STPG2: variants seen among roughly 807,000 people sequenced by gnomAD.
STPG2 encodes the protein sperm-tail PG-rich repeat-containing protein 2.
Under a neutral mutation model 54.2 loss-of-function variants are expected in STPG2, and 56 were observed. That is an observed-to-expected ratio of 1.03 (90% CI 0.83 to 1.29). The LOEUF (loss-of-function observed/expected upper bound fraction) is 1.29, where lower values mean the gene tolerates loss of function less well. Among genes scored for constraint, STPG2 ranks in the 50% most tolerant of loss-of-function variants. The probability of loss-of-function intolerance (pLI) is 0.00; values close to 1 mark genes in which losing one functional copy is unlikely to be tolerated. For missense variants in STPG2, 596 were observed against 544.9 expected (o/e 1.09, Z -0.93); for synonymous variants, 200 against 181.8 (o/e 1.10, Z -0.81).
In STPG2 at chr4:97,719,596, CCAAA is replaced by C. The variant is rs1724387047; in HGVS notation, c.1205-6786_1205-6783del. 5.9e-5 allele frequency among the ~76,000 whole-genome samples: 9 copies of C among 151,952 alleles called. No individual in the cohort carries two copies. The South Asian group carries it at 1.9e-3, about 32-fold the overall frequency. On this transcript the variant is annotated intron_variant, in intron 9 of 10. Coordinates refer to ENST00000295268, the MANE Select transcript of STPG2 (RefSeq NM_174952.3). Reference sequence around the variant, plus strand: ...TCAAATAATCTTGGTAACCAGTGATCCAAACAAAGAATAAACCTTCCGAAATTCT... The same window carrying C: ...TCAAATAATCTTGGTAACCAGTGATCCAAAGAATAAACCTTCCGAAATTCT...
At chr4:97,921,145 G>A (rs1732090981) in intron 8 of STPG2, among the ~76,000 whole-genome samples, 1 of 152,100 alleles carries the variant, frequency 6.6e-6, no homozygotes, top group African/African-American at 2.4e-5. Flanking sequence ...CATACTGTGG[G>A]CAGAGATAGT....
At chr4:97,914,961 G>A (rs576744292) in intron 8 of STPG2, among the ~76,000 whole-genome samples, 2 of 152,058 alleles carry the variant, frequency 1.3e-5, no homozygotes, top group Admixed American at 6.6e-5. Flanking sequence ...TGTCCTCAAG[G>A]TTCATCATAT....
At chr4:97,896,041 A>G (rs1730941582) in intron 8 of STPG2, among the ~76,000 whole-genome samples, 1 of 151,812 alleles carries the variant, frequency 6.6e-6, no homozygotes, top group Admixed American at 6.6e-5. Context: ...TGAGTCTGTA[A>G]GCCCAATTTC....
chr4:98,004,658 T>C (rs1735518062), intron 5 of STPG2, among the ~76,000 whole-genome samples: 1 of 152,188 alleles, frequency 6.6e-6, no homozygotes, highest in Non-Finnish European at 1.5e-5. Flanking sequence ...CTGCTGTCAT[T>C]TGACTTTTTG....
chr4:97,461,255 TTATC>T (rs751474319), intron 4 of STPG2, among the ~76,000 whole-genome samples: 5 of 151,244 alleles, frequency 3.3e-5, no homozygotes, highest in Non-Finnish European at 7.4e-5. Flanking sequence ...CTCTTTCTCT[TTATC>T]TCTCTCTCTC....
At chr4:97,822,726 G>A (rs1291484832) in intron 9 of STPG2, among the ~76,000 whole-genome samples, 1 of 152,164 alleles carries the variant, frequency 6.6e-6, no homozygotes, top group Non-Finnish European at 1.5e-5. Context: ...CAAGTAGGGG[G>A]TAAGGGTGCC....
intron 10 of STPG2, among the ~76,000 whole-genome samples, chr4:97,664,897 C>A (rs1039670655): frequency 6.6e-6 from 1 of 151,732 alleles, no homozygotes; most frequent in Non-Finnish European, 1.5e-5. Context: ...AGCAGAGTGG[C>A]GAGGGGTGTG....
At chr4:97,868,489 TA>T (rs1729871434) in intron 8 of STPG2, among the ~76,000 whole-genome samples, 1 of 151,864 alleles carries the variant, frequency 6.6e-6, no homozygotes, top group Non-Finnish European at 1.5e-5. Context: ...GTTAAGATCA[TA>T]AGCCTGTGTG....
chr4:97,615,626 G>C (rs1733841272), intron 10 of STPG2, among the ~76,000 whole-genome samples: 1 of 151,878 alleles, frequency 6.6e-6, no homozygotes, highest in Non-Finnish European at 1.5e-5. Flanking sequence ...TACATGATAT[G>C]ATAGATACAA....
chr4:97,947,316 G>T (rs1299732031), intron 7 of STPG2, among the ~76,000 whole-genome samples: 1 of 151,854 alleles, frequency 6.6e-6, no homozygotes, highest in East Asian at 1.9e-4. Context: ...AAATCTCTAG[G>T]GTTTTCTATG....
intron 8 of STPG2, among the ~76,000 whole-genome samples, chr4:97,850,595 A>G (rs1260951534): frequency 6.6e-6 from 1 of 151,996 alleles, no homozygotes; most frequent in African/African-American, 2.4e-5. Context: ...CTGATCCTCC[A>G]TTAAAATTTT....
At chr4:97,926,608 T>C (rs1732340357) in intron 8 of STPG2, among the ~76,000 whole-genome samples, 1 of 152,180 alleles carries the variant, frequency 6.6e-6, no homozygotes. Context: ...ACTTATTCTT[T>C]CCATGCCTTT....
chr4:98,104,960 T>C (rs1008242581), intron 5 of STPG2, among the ~76,000 whole-genome samples: 3 of 152,182 alleles, frequency 2.0e-5, no homozygotes, highest in Non-Finnish European at 4.4e-5. Flanking sequence ...GCAGACAAGA[T>C]TGAAAACCTA....
At position 98,126,759 on chromosome 4, in the gene STPG2, C is replaced by T. The variant is rs546960664; in HGVS notation, c.387+1669G>A. 3.3e-5 allele frequency among the ~76,000 whole-genome samples: 5 copies of T among 151,994 alleles called. No individual in the cohort carries two copies. In the East Asian group the frequency reaches 5.8e-4, roughly 18 times the overall value. Reference sequence around the variant, plus strand: ...ACTGAACTACTTAGGGGTAAAGAGGCGTCATATCCAAAATGTACTCCCAGA... The same window carrying T: ...ACTGAACTACTTAGGGGTAAAGAGGTGTCATATCCAAAATGTACTCCCAGA... On this transcript the variant is annotated intron_variant, in intron 3 of 10. Transcript: ENST00000295268.
At chr4:97,941,661 A>G (rs1014504434) in intron 8 of STPG2, among the ~76,000 whole-genome samples, 2 of 152,044 alleles carry the variant, frequency 1.3e-5, no homozygotes, top group African/African-American at 2.4e-5. Flanking sequence ...ATCTTTTAAG[A>G]CTGCAGCATA....
chr4:97,495,613 T>A (rs1307254961), intron 4 of STPG2, among the ~76,000 whole-genome samples: 3 of 150,936 alleles, frequency 2.0e-5, no homozygotes, highest in African/African-American at 7.3e-5. Context: ...ATTATCTGTA[T>A]TTACAGTGTT....
At chr4:97,849,970 A>G (rs1042704309) in intron 8 of STPG2, among the ~76,000 whole-genome samples, 20 of 151,914 alleles carry the variant, frequency 1.3e-4, no homozygotes, top group Non-Finnish European at 2.4e-4. Flanking sequence ...ACACATGCAC[A>G]CGTATGTTTA....
rs1199754258 is a variant in STPG2 at position 98,143,412 on chromosome 4, GC to G, written c.-263del. On this transcript the variant is annotated 5_prime_UTR_variant, in exon 1 of 11. Coordinates refer to ENST00000295268, the MANE Select transcript of STPG2 (RefSeq NM_174952.3). ...AGACGTCCCACACAATCATCAGTTT[GC>G]CAGGTGCACGCCACCAAAATTGGGT... 1.3e-5 allele frequency among the ~76,000 whole-genome samples: 2 copies of G among 152,152 alleles called. No homozygotes were observed. Among genetic ancestry groups the G allele is most frequent in the African/African-American group, 4.8e-5 (2 of 41,428 alleles).
intron 10 of STPG2, among the ~76,000 whole-genome samples, chr4:97,614,496 A>T (rs183148106): frequency 6.6e-6 from 1 of 152,116 alleles, no homozygotes; most frequent in African/African-American, 2.4e-5. Flanking sequence ...TTCTCGAAAC[A>T]CTCTCATATT....
Sources: allele counts gnomAD v4.1 joint callset (sites outside exome capture counted in the v4.1 genomes callset), GRCh38; gene constraint gnomAD v4.1.1; transcripts MANE v1.5; gene names NCBI Gene and HGNC (gene_info 2026-07-23, HGNC 2026-07-21).